TRAK1: variants seen among roughly 807,000 people sequenced by gnomAD.
The protein encoded by TRAK1 is trafficking kinesin protein 1.
A neutral mutation model predicts 92.1 loss-of-function variants in TRAK1; 33 were observed. That is an observed-to-expected ratio of 0.36 (90% CI 0.27 to 0.48). The LOEUF is 0.48. Ranked by LOEUF, TRAK1 falls within the 20% of genes least tolerant of loss-of-function variation. TRAK1 has a pLI of 0.99. For missense variants in TRAK1, 1,123 were observed against 1,257.9 expected (o/e 0.89, Z 1.62); for synonymous variants, 521 against 517.3 (o/e 1.01, Z -0.10).
At chr3:42,115,676 T>C (rs139922273) in intron 1 of TRAK1, among the ~76,000 whole-genome samples, 3 of 152,340 alleles carry the variant, frequency 2.0e-5, no homozygotes, top group African/African-American at 7.2e-5. Flanking sequence ...CTCTGAAGCA[T>C]AGTTAGTCTT....
chr3:42,088,134 C>T (rs960714718), upstream of TRAK1, among the ~76,000 whole-genome samples: 2 of 152,164 alleles, frequency 1.3e-5, no homozygotes, highest in Non-Finnish European at 2.9e-5. Context: ...TCATTTTTGT[C>T]TGCAGTGTTT....
chr3:42,183,154 G>A (rs762901508), intron 3 of TRAK1, among the ~76,000 whole-genome samples: 3 of 152,134 alleles, frequency 2.0e-5, no homozygotes, highest in Non-Finnish European at 4.4e-5. Flanking sequence ...AATGCACTTT[G>A]GTGTTTTCAA....
At chr3:42,146,928 G>GAA (rs1162821520) in intron 2 of TRAK1, among the ~76,000 whole-genome samples, 1 of 152,124 alleles carries the variant, frequency 6.6e-6, no homozygotes, top group African/African-American at 2.4e-5. Flanking sequence ...TTGAACTGGC[G>GAA]AACATTGCTG....
chr3:42,223,585 G>A lies in TRAK1; in HGVS notation c.2710G>A (p.Ala904Thr). 1.2e-6 allele frequency: 2 copies of A among 1,613,978 alleles called. No individual in the cohort carries two copies. The highest frequency in any genetic ancestry group is 1.7e-6 in the Non-Finnish European group (2 of 1,180,028). Reference protein sequence around the residue: ...LPLRCPTVTSAIGGLQLNSGI... With the variant: ...LPLRCPTVTSTIGGLQLNSGI... ...CCTCAGATGCCCCACTGTCACCAGTGCCATCGGTGGGCTGCAGCTCAATAG... is the reference window on the plus strand; with the variant it reads ...CCTCAGATGCCCCACTGTCACCAGTACCATCGGTGGGCTGCAGCTCAATAG... The change falls in exon 16 of 16, where the codon GCC (alanine) becomes ACC (threonine). Residue 904 changes from alanine to threonine, a missense_variant. By Grantham distance (58) the Ala-to-Thr change is moderately conservative (BLOSUM62 0). Coordinates refer to ENST00000327628, the MANE Select transcript of TRAK1 (RefSeq NM_001042646.3). The surrounding 1 kb of genome is among the most constrained non-coding windows in gnomAD (Gnocchi z 6.1).
At chr3:42,160,334 A>G in intron 2 of TRAK1, 1 of 1,613,392 alleles carries the variant, frequency 6.2e-7, no homozygotes, top group Non-Finnish European at 8.5e-7. Flanking sequence ...CCTTAGGGTG[A>G]TGTTTTGGCT....
At chr3:42,218,414 C>T (rs1282253375) in intron 14 of TRAK1, 2 of 869,424 alleles carry the variant, frequency 2.3e-6, no homozygotes, top group Admixed American at 1.3e-4. Flanking sequence ...CAGGAGGTCT[C>T]TGGGGGCTGA....
chr3:42,186,714 C>A (rs922601947), intron 4 of TRAK1, among the ~76,000 whole-genome samples: 1 of 152,206 alleles, frequency 6.6e-6, no homozygotes, highest in Non-Finnish European at 1.5e-5. Context: ...TCACCTTGCA[C>A]AAAGAGGATC....
At chr3:42,032,480 G>GAAAAAAAAAAAAAAAA (rs57423237) in intron 1 of TRAK1, among the ~76,000 whole-genome samples, 2 of 120,896 alleles carry the variant, frequency 1.7e-5, no homozygotes, top group African/African-American at 5.5e-5. Flanking sequence ...GGGTCAACCT[G>GAAAAAAAAAAAAAAAA]AAAAAAAAAA....
chr3:42,103,313 G>A (rs569441355), intron 1 of TRAK1, among the ~76,000 whole-genome samples: 5 of 152,136 alleles, frequency 3.3e-5, no homozygotes, highest in East Asian at 1.9e-4. Context: ...GATTACAGGC[G>A]TGTGCCACCA....
intron 14 of TRAK1, chr3:42,217,212 GT>G: frequency 1.0e-6 from 1 of 984,040 alleles, no homozygotes; most frequent in Non-Finnish European, 1.2e-6. Flanking sequence ...CCAGTCTTGG[GT>G]GACTCACTGT....
intron 2 of TRAK1, among the ~76,000 whole-genome samples, chr3:42,153,512 C>T (rs906353593): frequency 1.3e-5 from 2 of 152,200 alleles, no homozygotes; most frequent in African/African-American, 4.8e-5. Context: ...CGCTCACCTC[C>T]CCCTTTTATA....
chr3:42,122,983 T>G (rs1028623158), intron 1 of TRAK1, among the ~76,000 whole-genome samples: 3 of 152,178 alleles, frequency 2.0e-5, no homozygotes, highest in Non-Finnish European at 4.4e-5. Context: ...GTCCTCACTT[T>G]CTCATTTTTA....
chr3:42,144,773 T>A (rs1304389897), intron 2 of TRAK1, among the ~76,000 whole-genome samples: 2 of 152,116 alleles, frequency 1.3e-5, no homozygotes, highest in Non-Finnish European at 2.9e-5. Context: ...ATGTATTTGT[T>A]TCTTGTTTCT....
intron 1 of TRAK1, among the ~76,000 whole-genome samples, chr3:42,033,187 C>A (rs1002626963): frequency 6.6e-6 from 1 of 152,190 alleles, no homozygotes; most frequent in Admixed American, 6.5e-5. Flanking sequence ...TATTACCCAG[C>A]AGCCTGGCAG....
chr3:42,144,008 T>C (rs1319015434), intron 2 of TRAK1, among the ~76,000 whole-genome samples: 1 of 152,186 alleles, frequency 6.6e-6, no homozygotes, highest in Non-Finnish European at 1.5e-5. Flanking sequence ...TTTCCTATTT[T>C]CTTAAAAAGT....
At position 42,223,221 on chromosome 3, in the gene TRAK1, G is replaced by A. The variant is rs748250419; in HGVS notation, c.2346G>A (p.Pro782=). Residue 782 remains proline (P), a synonymous_variant, in exon 16 of 16, where the codon CCG becomes CCA. Transcript: ENST00000327628. The surrounding 1 kb of genome is among the most constrained non-coding windows in gnomAD (Gnocchi z 6.1). ...TPKMAVIPST[P]PNSPMQTPTS... ...AGATGGCTGTGATCCCCTCTACTCCGCCGAACTCGCCTATGCAGACACCCA... is the reference window on the plus strand; with the variant it reads ...AGATGGCTGTGATCCCCTCTACTCCACCGAACTCGCCTATGCAGACACCCA... 43 of 1,613,936 alleles carry A rather than the reference G, an allele frequency of 2.7e-5. No individual in the cohort carries two copies. In the East Asian group the frequency reaches 6.0e-4, roughly 23 times the overall value.
chr3:42,032,788 C>T (rs932210752), intron 1 of TRAK1, among the ~76,000 whole-genome samples: 2 of 152,110 alleles, frequency 1.3e-5, no homozygotes, highest in Admixed American at 6.5e-5. Context: ...CCAGGCATAG[C>T]GGTGCGTGCC....
At position 42,194,786 on chromosome 3, in the gene TRAK1, T is replaced by A; in HGVS notation, c.976-18T>A. The A allele has an allele frequency of 1.2e-6, 2 of 1,612,620 alleles. No homozygotes were observed. The highest frequency in any genetic ancestry group is 1.7e-6 in the Non-Finnish European group (2 of 1,179,372). ...GTGCTCAGGAGATCCTGACCCTCTG[T>A]GTCTTTCCTGCCTGCAGCTGCGTGA... On this transcript the variant is annotated intron_variant, in intron 9 of 15. Transcript: ENST00000327628.
At chr3:42,113,063 A>G (rs1245208695) in intron 1 of TRAK1, among the ~76,000 whole-genome samples, 1 of 152,046 alleles carries the variant, frequency 6.6e-6, no homozygotes, top group Admixed American at 6.5e-5. Context: ...GGGCCAGCGC[A>G]CTTGGCCTAA....
Sources: gnomAD v4.1 joint callset for allele counts (sites outside exome capture counted in the v4.1 genomes callset) on GRCh38, gnomAD v4.1.1 for gene constraint, Gnocchi (gnomAD v3.1) non-coding constraint, MANE v1.5 for transcripts, NCBI Gene and HGNC (gene_info 2026-07-23, HGNC 2026-07-21) for gene names.